Variants in ZFR2 observed in about 807,000 individuals in gnomAD.
ZFR2 encodes the protein zinc finger RNA binding protein 2.
In ZFR2, 104 loss-of-function variants were observed where a neutral mutation model predicts 105.7. The observed-to-expected ratio is 0.98, with a 90% confidence interval of 0.84 to 1.16. ZFR2 has a LOEUF of 1.16. Among genes scored for constraint, ZFR2 ranks in the 50% most tolerant of loss-of-function variants. ZFR2 has a pLI of 0.00. For missense variants in ZFR2, 1,425 were observed against 1,355.5 expected, an observed-to-expected ratio of 1.05 and a Z score of -0.80; for synonymous variants, 634 against 597.7, an observed-to-expected ratio of 1.06 and a Z score of -0.89.
intron 1 of ZFR2, among the ~76,000 whole-genome samples, chr19:3,841,438 G>A (rs1011498946): frequency 2.0e-5 from 3 of 152,122 alleles, no homozygotes; most frequent in African/African-American, 7.2e-5. Context: ...TAATCCCAGC[G>A]CCTTGGGAGG....
At position 3,813,797 on chromosome 19, in the gene ZFR2, T is replaced by A. The variant is rs756701942; in HGVS notation, c.2242+23A>T. ...GGGGAAGCGTGAGGGGGACAGTGGT[T>A]GGAAGGAAGGGCTGGGCCGCACCTG... On this transcript the variant is annotated intron_variant, in intron 14 of 18. Transcript: ENST00000262961. This position sits in a 1 kb window ranked among gnomAD's most constrained non-coding sequence, Gnocchi z 4.4. The A allele has an allele frequency of 5.0e-6, 8 of 1,612,102 alleles. No individual in the cohort carries two copies. In the African/African-American group the frequency reaches 1.1e-4, roughly 22 times the overall value.
At chr19:3,868,870 G>A (rs976698570) in intron 1 of ZFR2, 95 bp downstream of exon 1, 18 of 1,054,350 alleles carry the variant, frequency 1.7e-5, no homozygotes, top group Admixed American at 4.3e-5. Context: ...GACTGGGGCC[G>A]GGCCGGGCGC....
rs370005383 is a variant in ZFR2, at chr19:3,837,125, T to G, written c.54-2142A>C. On this transcript the variant is annotated intron_variant, in intron 1 of 18. Transcript: ENST00000262961. ...ACATTCTCTGCGGCACAGGAAAACC[T>G]CATGAAAGTTACAGCTTTTTTTTAT... is the stretch of plus-strand genomic sequence containing the variant. Among the ~76,000 whole-genome samples the G allele has an allele frequency of 1.2e-4, 18 of 152,292 alleles. 3 individuals are homozygous for G. The highest frequency in any genetic ancestry group is 3.9e-4 in the East Asian group (2 of 5,186).
chr19:3,860,842 G>A (rs1190832869), intron 1 of ZFR2, among the ~76,000 whole-genome samples: 3 of 152,238 alleles, frequency 2.0e-5, no homozygotes, highest in Admixed American at 1.3e-4. Context: ...TTTAAGAAAC[G>A]GAACGACCTG....
intron 7 of ZFR2, among the ~76,000 whole-genome samples, chr19:3,824,366 A>G (rs1032184625): frequency 6.6e-6 from 1 of 152,164 alleles, no homozygotes; most frequent in Non-Finnish European, 1.5e-5. Context: ...AATGCACACA[A>G]AGCAGTGAGC....
In ZFR2 at chr19:3,834,882, G is replaced by T. The variant is rs749843399; in HGVS notation, c.155C>A (p.Ala52Asp). The T allele has an allele frequency of 6.2e-7, 1 of 1,611,974 alleles. No individual in the cohort carries two copies. The highest frequency in any genetic ancestry group is 8.5e-7 in the Non-Finnish European group (1 of 1,179,142). ...GTATCCACCGTACCCTGCCGGGGCA[G>T]CTGGGGGAAAGGCCGGGTTCACGGC... ...DPAVNPAFPP[A>D]APAGYGGYQP... The change falls in exon 2 of 19, where the codon GCT becomes GAT. Residue 52 changes from alanine (A) to aspartate (D), a missense_variant. Ala to Asp is a moderately radical substitution (Grantham distance 126, BLOSUM62 -2). Coordinates refer to ENST00000262961, the MANE Select transcript of ZFR2 (RefSeq NM_015174.2). This position sits in a 1 kb window ranked among gnomAD's most constrained non-coding sequence, Gnocchi z 5.3.
chr19:3,836,661 G>A (rs765344043), intron 1 of ZFR2, among the ~76,000 whole-genome samples: 3 of 152,080 alleles, frequency 2.0e-5, no homozygotes, highest in Admixed American at 6.6e-5. Context: ...GCACAGTGCC[G>A]AGGCCTTTGT....
chr19:3,823,405 T>C lies in ZFR2; in HGVS notation c.1214-2A>G. 1 of 1,601,052 alleles carries C rather than the reference T, an allele frequency of 6.2e-7. No homozygotes were observed. The highest frequency in any genetic ancestry group is 8.5e-7 in the Non-Finnish European group (1 of 1,174,160). ...CTGCTGCCTGTGGCTCAGGAGGCCC[T>C]GAGGGGAAAAACCATGTCACTTATA... On this transcript the variant is annotated splice_acceptor_variant, in intron 7 of 18. Coordinates refer to ENST00000262961, the MANE Select transcript of ZFR2 (RefSeq NM_015174.2). LOFTEE classifies it high-confidence loss of function. This position sits in a 1 kb window ranked among gnomAD's most constrained non-coding sequence, Gnocchi z 5.4.
intron 13 of ZFR2, among the ~76,000 whole-genome samples, chr19:3,815,090 C>T (rs568469438): frequency 5.1e-4 from 74 of 145,176 alleles, no homozygotes; most frequent in African/African-American, 2.0e-3. Context: ...TTTCATTTTT[C>T]TTTCTTTCTT....
At chr19:3,863,197 T>C (rs2038392089) in intron 1 of ZFR2, among the ~76,000 whole-genome samples, 1 of 152,192 alleles carries the variant, frequency 6.6e-6, no homozygotes, top group Non-Finnish European at 1.5e-5. Flanking sequence ...CTGAAGCCGG[T>C]TGCAGCCACA....
chr19:3,822,096 G>A lies in ZFR2; in HGVS notation c.1476C>T (p.His492=), dbSNP rs772968325. 37 of 1,606,054 alleles carry A rather than the reference G, an allele frequency of 2.3e-5. No homozygotes were observed. The highest frequency in any genetic ancestry group is 2.8e-5 in the Non-Finnish European group (33 of 1,177,048). Residue 492 remains histidine, a synonymous_variant, in exon 9 of 19, where the codon CAC becomes CAT. Coordinates refer to ENST00000262961, the MANE Select transcript of ZFR2 (RefSeq NM_015174.2). The part of the protein sequence containing the change: ...AKDLHVRGRR[H]RLQYRKKVNP... ...CTGGACGCACCCGGTACTGCAGCCG[G>A]TGCCGCCGCCCCCTCACGTGCAGGT...
At chr19:3,842,335 C>T (rs1047372593) in intron 1 of ZFR2, among the ~76,000 whole-genome samples, 7 of 151,984 alleles carry the variant, frequency 4.6e-5, no homozygotes, top group South Asian at 4.2e-4. Flanking sequence ...ACCATAGCAA[C>T]GAGAGACCCT....
intron 1 of ZFR2, among the ~76,000 whole-genome samples, chr19:3,861,445 C>G (rs1450617909): frequency 6.9e-6 from 1 of 145,330 alleles, no homozygotes; most frequent in Non-Finnish European, 1.5e-5. Context: ...TGGCCGATGG[C>G]AAAACCCCGT....
At chr19:3,854,659 C>T (rs1239257199) in intron 1 of ZFR2, among the ~76,000 whole-genome samples, 2 of 152,170 alleles carry the variant, frequency 1.3e-5, no homozygotes, top group East Asian at 1.9e-4. Context: ...AGCATGTGCC[C>T]GTAAACTCTG....
At chr19:3,816,395 G>T (rs1279320419) in intron 13 of ZFR2, among the ~76,000 whole-genome samples, 1 of 151,850 alleles carries the variant, frequency 6.6e-6, no homozygotes, top group African/African-American at 2.4e-5. Context: ...ACAGGCACAT[G>T]TCACCAGGCC....
chr19:3,856,308 A>G (rs1944056700), intron 1 of ZFR2, among the ~76,000 whole-genome samples: 1 of 152,180 alleles, frequency 6.6e-6, no homozygotes, highest in African/African-American at 2.4e-5. Flanking sequence ...AGCATGCTGC[A>G]TGGGCCGCTG....
chr19:3,807,734 G>A (rs570862366), intron 17 of ZFR2, among the ~76,000 whole-genome samples: 2 of 133,482 alleles, frequency 1.5e-5, no homozygotes, highest in African/African-American at 6.2e-5. Context: ...CCGTGTGTGT[G>A]TGCATGTGTG....
chr19:3,849,892 C>T (rs1049561612), intron 1 of ZFR2, among the ~76,000 whole-genome samples: 5 of 152,160 alleles, frequency 3.3e-5, no homozygotes, highest in African/African-American at 7.2e-5. Flanking sequence ...TGGCTGAGGG[C>T]AGGTCTCAGC....
At chr19:3,837,148 T>A (rs1223507572) in intron 1 of ZFR2, among the ~76,000 whole-genome samples, 3 of 152,214 alleles carry the variant, frequency 2.0e-5, no homozygotes, top group Admixed American at 6.5e-5. Context: ...AGCTTTTTTT[T>A]ATTTTTTGAG....
Sources: allele counts gnomAD v4.1 joint callset (sites outside exome capture counted in the v4.1 genomes callset), GRCh38; gene constraint gnomAD v4.1.1; non-coding constraint Gnocchi (gnomAD v3.1); transcripts MANE v1.5; gene names NCBI Gene and HGNC (gene_info 2026-07-23, HGNC 2026-07-21).